The following MAGI3 variants were observed in gnomAD, a reference collection of about 807,000 sequenced individuals.
MAGI3 encodes the protein membrane associated guanylate kinase, WW and PDZ domain containing 3.
In MAGI3, 43 loss-of-function variants were observed where a neutral mutation model predicts 121.8. The observed-to-expected ratio is 0.35, with a 90% confidence interval of 0.28 to 0.46. The LOEUF (loss-of-function observed/expected upper bound fraction) is 0.46, where lower values mean the gene tolerates loss of function less well. Ranked by LOEUF, MAGI3 falls within the 20% of genes least tolerant of loss-of-function variation. The probability of loss-of-function intolerance (pLI) is 1.00; values close to 1 mark genes in which losing one functional copy is unlikely to be tolerated. For missense variants in MAGI3, 1,547 were observed against 1,797.3 expected, an observed-to-expected ratio of 0.86 and a Z score of 2.52; for synonymous variants, 553 against 639.3, an observed-to-expected ratio of 0.86 and a Z score of 2.04.
chr1:113,635,312 A>G (rs1651931307), intron 9 of MAGI3, among the ~76,000 whole-genome samples: 1 of 152,164 alleles, frequency 6.6e-6, no homozygotes, highest in Non-Finnish European at 1.5e-5. Context: ...CGAGTTTTCA[A>G]AGGGAATGCT....
At chr1:113,444,487 C>T (rs939278359) in intron 1 of MAGI3, among the ~76,000 whole-genome samples, 1 of 152,130 alleles carries the variant, frequency 6.6e-6, no homozygotes, top group Non-Finnish European at 1.5e-5. Flanking sequence ...AGTGACTGTG[C>T]ATGCCCAGGG....
At chr1:113,551,940 C>T (rs1212327437) in intron 2 of MAGI3, among the ~76,000 whole-genome samples, 1 of 151,890 alleles carries the variant, frequency 6.6e-6, no homozygotes, top group African/African-American at 2.4e-5. Flanking sequence ...ACTTAGTCAT[C>T]TCTTCTTTTT....
intron 1 of MAGI3, among the ~76,000 whole-genome samples, chr1:113,478,850 A>G (rs537606414): frequency 6.6e-6 from 1 of 152,330 alleles, no homozygotes; most frequent in East Asian, 1.9e-4. Context: ...TGCCCTGCTC[A>G]CAGAGGTGGA....
At position 113,642,177 on chromosome 1, in the gene MAGI3, A is replaced by G. The variant is rs1411629960; in HGVS notation, c.1627A>G (p.Lys543Glu). 6.2e-7 allele frequency: 1 copy of G among 1,614,160 alleles called. No homozygotes were observed. The highest frequency in any genetic ancestry group is 1.7e-5 in the Admixed American group (1 of 60,012). The part of the protein sequence containing the change: ...PGAMVLEQNG[K>E]SGHTLTGDGL... ...AGCAATGGTTCTGGAGCAGAATGGA[A>G]AATCGGGACACACTTTGACTGGTGA... The change falls in exon 10 of 21, where the codon AAA (lysine) becomes GAA (glutamate). Residue 543 changes from lysine (K) to glutamate (E), a missense_variant. Physicochemically the swap from Lys to Glu is moderately conservative, Grantham distance 56. Transcript: ENST00000307546.
In MAGI3 at chr1:113,648,308, T is replaced by A. The variant is rs1652964784; in HGVS notation, c.2156-929T>A. Among the ~76,000 whole-genome samples, 6 of 152,330 alleles carry A rather than the reference T, an allele frequency of 3.9e-5. No individual in the cohort carries two copies. The South Asian group carries it at 1.2e-3, about 32-fold the overall frequency. ...CTTTTTACATAGTTCCCTGACATGTTTATTTCTTCTCTCTTTACAGTAAAT... is the reference window on the plus strand; with the variant it reads ...CTTTTTACATAGTTCCCTGACATGTATATTTCTTCTCTCTTTACAGTAAAT... On this transcript the variant is annotated intron_variant, in intron 12 of 20. Transcript: ENST00000307546.
At chr1:113,545,547 A>G (rs772850044) in intron 1 of MAGI3, among the ~76,000 whole-genome samples, 1 of 152,234 alleles carries the variant, frequency 6.6e-6, no homozygotes, top group Non-Finnish European at 1.5e-5. Context: ...TAGTTACTTT[A>G]TATACTGGTT....
Position 113,683,556 on chromosome 1 carries a change from G to A in MAGI3, c.3988G>A (p.Gly1330Arg). The change falls in exon 21 of 21, where the codon GGG (glycine) becomes AGG (arginine). Residue 1330 changes from glycine to arginine, a missense_variant. By Grantham distance (125) the Gly-to-Arg change is moderately radical. Transcript: ENST00000307546. ...CAGTAATGCTGAGCAGATCCCAGAT[G>A]GGAAGGAAAAATCAGACGTCATCAG... ...TGSNAEQIPD[G>R]KEKSDVIRKD... The A allele has an allele frequency of 6.2e-7, 1 of 1,613,858 alleles. No individual in the cohort carries two copies. Among genetic ancestry groups the A allele is most frequent in the South Asian group, 1.1e-5 (1 of 91,076 alleles).
intron 19 of MAGI3, among the ~76,000 whole-genome samples, chr1:113,680,649 C>T (rs532564940): frequency 2.0e-4 from 30 of 151,838 alleles, no homozygotes; most frequent in Non-Finnish European, 4.0e-4. Context: ...CCCAACTACT[C>T]GGGAGGCTGA....
intron 1 of MAGI3, among the ~76,000 whole-genome samples, chr1:113,400,543 A>T (rs1651346829): frequency 1.3e-5 from 2 of 152,146 alleles, no homozygotes; most frequent in South Asian, 4.1e-4. Flanking sequence ...GGATGACTTT[A>T]GACCATATTT....
chr1:113,680,013 T>A (rs1648120238), intron 19 of MAGI3, among the ~76,000 whole-genome samples: 1 of 152,180 alleles, frequency 6.6e-6, no homozygotes, highest in South Asian at 2.1e-4. Flanking sequence ...CCCTGAGAAA[T>A]GATTTTACAC....
intron 9 of MAGI3, among the ~76,000 whole-genome samples, chr1:113,633,425 C>A (rs886175421): frequency 3.3e-5 from 5 of 150,778 alleles, no homozygotes; most frequent in African/African-American, 1.2e-4. Flanking sequence ...CTACGCCCGG[C>A]TAATTTTTTG....
chr1:113,595,622 G>A (rs1353680063), intron 6 of MAGI3, among the ~76,000 whole-genome samples: 1 of 152,178 alleles, frequency 6.6e-6, no homozygotes, highest in East Asian at 1.9e-4. Flanking sequence ...AAATGGAATT[G>A]TTTAAAATTC....
At chr1:113,442,631 G>A (rs1043712528) in intron 1 of MAGI3, among the ~76,000 whole-genome samples, 3 of 151,404 alleles carry the variant, frequency 2.0e-5, no homozygotes, top group Non-Finnish European at 4.4e-5. Flanking sequence ...TACAATGATC[G>A]TATATATAAT....
intron 6 of MAGI3, among the ~76,000 whole-genome samples, chr1:113,595,474 G>T (rs959710169): frequency 1.3e-5 from 2 of 152,054 alleles, no homozygotes; most frequent in Non-Finnish European, 2.9e-5. Flanking sequence ...AAAAATAAGT[G>T]GCGTAAAATG....
intron 1 of MAGI3, among the ~76,000 whole-genome samples, chr1:113,472,143 T>A (rs1272988799): frequency 6.6e-6 from 1 of 152,164 alleles, no homozygotes; most frequent in Non-Finnish European, 1.5e-5. Flanking sequence ...ATTTCTTCAC[T>A]TTCAGCCTGT....
chr1:113,451,007 A>T (rs1488628956), intron 1 of MAGI3, among the ~76,000 whole-genome samples: 1 of 152,200 alleles, frequency 6.6e-6, no homozygotes, highest in Non-Finnish European at 1.5e-5. Context: ...GAGGTCTTTT[A>T]TCTGTTGTAG....
intron 2 of MAGI3, among the ~76,000 whole-genome samples, chr1:113,573,012 G>A (rs546348322): frequency 1.3e-4 from 20 of 151,556 alleles, no homozygotes; most frequent in Non-Finnish European, 2.4e-4. Flanking sequence ...TGCAAGCTCC[G>A]CCTCCTGGGT....
chr1:113,543,138 C>G (rs142511538), intron 1 of MAGI3, among the ~76,000 whole-genome samples: 33 of 152,230 alleles, frequency 2.2e-4, no homozygotes, highest in African/African-American at 7.5e-4. Flanking sequence ...TCCTATGCCT[C>G]TTCCACAGAA....
intron 17 of MAGI3, 133 bp from the exon 18 acceptor site, chr1:113,672,482 A>T: frequency 1.2e-6 from 1 of 869,274 alleles, no homozygotes; most frequent in Non-Finnish European, 1.7e-6. Context: ...TTTTAGATAT[A>T]GTCTGTCTTC....
Sources: allele counts gnomAD v4.1 joint callset (sites outside exome capture counted in the v4.1 genomes callset), GRCh38; gene constraint gnomAD v4.1.1; transcripts MANE v1.5; gene names NCBI Gene and HGNC (gene_info 2026-07-23, HGNC 2026-07-21).